TMCC3: variants seen among roughly 807,000 people sequenced by gnomAD.
TMCC3 encodes transmembrane and coiled-coil domain protein 3.
Under a neutral mutation model 40.2 loss-of-function variants are expected in TMCC3, and 28 were observed. That is an observed-to-expected ratio of 0.70 (90% CI 0.52 to 0.95). TMCC3 has a LOEUF of 0.95. Ranked by LOEUF, TMCC3 falls within the 40% of genes least tolerant of loss-of-function variation. The pLI, the probability that TMCC3 is intolerant of heterozygous loss-of-function variation, is 0.00. For synonymous variants in TMCC3, 255 were observed against 248.5 expected (o/e 1.03, Z -0.25); for missense variants, 554 against 615.2 (o/e 0.90, Z 1.05).
chr12:94,638,471 C>T (rs745416968), intron 1 of TMCC3, among the ~76,000 whole-genome samples: 2 of 152,194 alleles, frequency 1.3e-5, no homozygotes, highest in African/African-American at 4.8e-5. Flanking sequence ...CATATCCTTT[C>T]ACCCATTCTG....
chr12:94,572,089 T>A (rs958356969), intron 3 of TMCC3, among the ~76,000 whole-genome samples: 1 of 152,104 alleles, frequency 6.6e-6, no homozygotes, highest in African/African-American at 2.4e-5. Context: ...AACCTCCGCC[T>A]CCTGGGTTCA....
intron 1 of TMCC3, chr12:94,598,677 C>T (rs974972785): frequency 1.1e-5 from 11 of 985,322 alleles, no homozygotes; most frequent in Non-Finnish European, 1.2e-5. Flanking sequence ...TCATTAAATG[C>T]TCTGCCGTCA....
At position 94,650,538 on chromosome 12, in the gene TMCC3, C is replaced by T. The variant is rs557189007; in HGVS notation, c.-108G>A. The T allele has an allele frequency of 1.3e-4, 118 of 913,072 alleles. No homozygotes were observed. In the African/African-American group the frequency reaches 2.0e-3, roughly 15 times the overall value. 56.6% of individuals were successfully genotyped at this position (913,072 alleles called of 1,614,324 possible). On this transcript the variant is annotated 5_prime_UTR_variant, in exon 1 of 4. Transcript: ENST00000261226. ...AGCCGCGGGCGAGGGGGCGGCGCGGCTGCTGCAGCTGTTGCCTCTGGTGCC... is the reference window on the plus strand; with the variant it reads ...AGCCGCGGGCGAGGGGGCGGCGCGGTTGCTGCAGCTGTTGCCTCTGGTGCC...
At chr12:94,606,284 C>T (rs900754963) in intron 1 of TMCC3, among the ~76,000 whole-genome samples, 4 of 152,108 alleles carry the variant, frequency 2.6e-5, no homozygotes, top group Non-Finnish European at 4.4e-5. Flanking sequence ...GGGTAAAATG[C>T]CCAAGAGGCT....
intron 1 of TMCC3, chr12:94,598,780 T>TAG: frequency 1.0e-6 from 1 of 984,524 alleles, no homozygotes; most frequent in East Asian, 1.1e-4. Flanking sequence ...TCTAAGATCA[T>TAG]ACTGTTTTGT....
chr12:94,593,431 AAGG>A lies in TMCC3; in HGVS notation c.79-10896_79-10894del, dbSNP rs1271300977. On this transcript the variant is annotated intron_variant, in intron 1 of 3. Coordinates refer to ENST00000261226, the MANE Select transcript of TMCC3 (RefSeq NM_020698.4). ...AGAAGGAAGAAGAAGAAGGAAGAAG[AAGG>A]AGAAGGAGAAGGAGAAGGAGAAGAA... Among the ~76,000 whole-genome samples the A allele has an allele frequency of 3.3e-5, 2 of 61,016 alleles. 1 individual carries two copies. Among genetic ancestry groups the A allele is most frequent in the Non-Finnish European group, 7.7e-5 (2 of 26,076 alleles). 40.0% of individuals were successfully genotyped at this position (61,016 alleles called of 152,430 possible). A position where few individuals can be genotyped will look rare whatever the true frequency, so the allele number is the denominator to read the frequency against.
At position 94,570,161 on chromosome 12, in the gene TMCC3, A is replaced by G. The variant is rs982293510; in HGVS notation, c.*1274T>C. 6.6e-6 allele frequency: 1 copy of G among 152,218 alleles called. No individual in the cohort carries two copies. The highest frequency in any genetic ancestry group is 1.5e-5 in the Non-Finnish European group (1 of 68,034). The allele number at this position is 152,218 out of a possible 1,614,324, so 9.4% of individuals were successfully genotyped here. On this transcript the variant is annotated 3_prime_UTR_variant, in exon 4 of 4. Transcript: ENST00000261226. ...GGACTTAATTTATTTTATTCTTGCT[A>G]GTCTTTCACTTCTCAAAGACGATGC...
At chr12:94,599,594 T>C (rs928521828) in intron 1 of TMCC3, among the ~76,000 whole-genome samples, 4 of 139,022 alleles carry the variant, frequency 2.9e-5, no homozygotes. Context: ...AAGCCTAAGA[T>C]ACTGCTTTAC....
chr12:94,568,678 C>G lies in TMCC3; in HGVS notation c.*2757G>C, dbSNP rs1422816255. ...TGTTTATTCCTTAAGAGAGAATAAA[C>G]TGCAGAGATTAAAAGTTTCCTTCGA... is the stretch of plus-strand genomic sequence containing the variant. On this transcript the variant is annotated 3_prime_UTR_variant, in exon 4 of 4. Transcript: ENST00000261226. The G allele has an allele frequency of 2.0e-5, 3 of 152,166 alleles. No individual in the cohort carries two copies. Among genetic ancestry groups the G allele is most frequent in the African/African-American group, 7.2e-5 (3 of 41,426 alleles). 9.4% of individuals were successfully genotyped at this position (152,166 alleles called of 1,614,324 possible).
At chr12:94,643,097 C>T (rs897772254) in intron 1 of TMCC3, among the ~76,000 whole-genome samples, 1 of 152,056 alleles carries the variant, frequency 6.6e-6, no homozygotes, top group Admixed American at 6.6e-5. Context: ...GAGGCTGAGA[C>T]AGGGGAATCA....
intron 1 of TMCC3, among the ~76,000 whole-genome samples, chr12:94,647,378 C>T (rs1018608411): frequency 6.6e-6 from 1 of 152,152 alleles, no homozygotes; most frequent in African/African-American, 2.4e-5. Flanking sequence ...GTCTCAAAGG[C>T]TGAAATAAGC....
At chr12:94,590,981 TG>T in intron 1 of TMCC3, 1 of 562,546 alleles carries the variant, frequency 1.8e-6, no homozygotes, top group Non-Finnish European at 3.5e-6. Flanking sequence ...AATATGATCT[TG>T]GGAGATGAGG....
intron 1 of TMCC3, among the ~76,000 whole-genome samples, chr12:94,625,455 G>A (rs770492249): frequency 4.0e-5 from 6 of 151,882 alleles, no homozygotes; most frequent in Non-Finnish European, 8.8e-5. Context: ...TTAGCCAGGC[G>A]TGGTGGTGCA....
Position 94,578,533 on chromosome 12 carries a change from TA to T in TMCC3, c.996-5del, listed in dbSNP as rs1298107571. ...CTGGTCCTCCAGTCGCTCATACCTT[TA>T]AAAGAGAGGAGCCGATTCCCAGTGT... On this transcript the variant is annotated splice_polypyrimidine_tract_variant and splice_region_variant and intron_variant, in intron 2 of 3. Transcript: ENST00000261226. 6.2e-7 allele frequency: 1 copy of T among 1,612,166 alleles called. No homozygotes were observed. Among genetic ancestry groups the T allele is most frequent in the South Asian group, 1.1e-5 (1 of 90,866 alleles).
At chr12:94,580,471 A>C (rs2068593521) in intron 2 of TMCC3, among the ~76,000 whole-genome samples, 1 of 152,224 alleles carries the variant, frequency 6.6e-6, no homozygotes, top group Non-Finnish European at 1.5e-5. Context: ...GCAGTGGTTC[A>C]TGTCTGTAAT....
At chr12:94,650,263 G>C in intron 1 of TMCC3, 90 bp downstream of exon 1, 2 of 817,718 alleles carry the variant, frequency 2.4e-6, no homozygotes, top group Non-Finnish European at 3.2e-6. Context: ...GAAACGCCGG[G>C]GGCGCGTGGG....
intron 1 of TMCC3, among the ~76,000 whole-genome samples, chr12:94,589,214 T>C (rs1421634191): frequency 6.6e-6 from 1 of 152,102 alleles, no homozygotes; most frequent in Non-Finnish European, 1.5e-5. Context: ...CTTATTCCAA[T>C]GTAGCTCAGG....
At chr12:94,602,528 T>C (rs2068759064) in intron 1 of TMCC3, among the ~76,000 whole-genome samples, 1 of 152,240 alleles carries the variant, frequency 6.6e-6, no homozygotes, top group Non-Finnish European at 1.5e-5. Flanking sequence ...TCTCATTTAA[T>C]TGACACTAAG....
chr12:94,616,159 C>G (rs570618636), intron 1 of TMCC3: 1 of 902,076 alleles, frequency 1.1e-6, no homozygotes, highest in Non-Finnish European at 1.3e-6. Flanking sequence ...AATAATGCAC[C>G]GTATTCAACA....
Sources: gnomAD v4.1 joint callset for allele counts (sites outside exome capture counted in the v4.1 genomes callset) on GRCh38, gnomAD v4.1.1 for gene constraint, MANE v1.5 for transcripts, NCBI Gene and HGNC (gene_info 2026-07-23, HGNC 2026-07-21) for gene names.